The following MDFIC variants were observed in gnomAD, a reference collection of about 807,000 sequenced individuals.
The protein encoded by MDFIC is MyoD family inhibitor domain containing, also known as myoD family inhibitor domain-containing protein.
In MDFIC, 17 loss-of-function variants were observed where a neutral mutation model predicts 23.2. The ratio of observed to expected loss-of-function variants is 0.73; its 90% CI spans 0.50 to 1.10. The LOEUF is 1.10. MDFIC is among the 50% of genes least tolerant of loss of function. The pLI, the probability that MDFIC is intolerant of heterozygous loss-of-function variation, is 0.00. For missense variants in MDFIC, 356 were observed against 316.6 expected, an observed-to-expected ratio of 1.12 and a Z score of -0.95; for synonymous variants, 120 against 115.2, an observed-to-expected ratio of 1.04 and a Z score of -0.27.
Position 114,942,284 on chromosome 7 carries a change from A to G in MDFIC, c.104A>G (p.Asp35Gly). 6.6e-7 allele frequency: 1 copy of G among 1,518,986 alleles called. No individual in the cohort carries two copies. The highest frequency in any genetic ancestry group is 9.0e-7 in the Non-Finnish European group (1 of 1,114,998). The allele number at this position is 1,518,986 out of a possible 1,614,324, so 94.1% of individuals were successfully genotyped here. A position where few individuals can be genotyped will look rare whatever the true frequency, so the allele number is the denominator to read the frequency against. ...ATCTTTTTTAATTCAGGAAAATGTG[A>G]TAAAGACAATACTGAGAAAGATATA... ...QLGSTAQGKC[D>G]KDNTEKDITQ... The change falls in exon 3 of 5, where the codon GAT (aspartate) becomes GGT (glycine). Residue 35 changes from aspartate to glycine, a missense_variant. Physicochemically the swap from Asp to Gly is moderately conservative, Grantham distance 94 (BLOSUM62 -1). Transcript: ENST00000393486.
At chr7:114,982,676 C>T (rs1319966468) in intron 4 of MDFIC, among the ~76,000 whole-genome samples, 1 of 152,140 alleles carries the variant, frequency 6.6e-6, no homozygotes, top group Non-Finnish European at 1.5e-5. Flanking sequence ...GCCTGGGTGA[C>T]AGAGTGAGAC....
chr7:114,932,950 AT>A (rs1792344538), intron 2 of MDFIC, among the ~76,000 whole-genome samples: 1 of 152,170 alleles, frequency 6.6e-6, no homozygotes, highest in African/African-American at 2.4e-5. Flanking sequence ...TCTGTCCTCT[AT>A]TTATTTAATT....
At chr7:114,964,491 C>CTTCCT in intron 3 of MDFIC, among the ~76,000 whole-genome samples, 2 of 112,232 alleles carry the variant, frequency 1.8e-5, no homozygotes, top group Admixed American at 2.3e-4. Flanking sequence ...CTCCCCTCCC[C>CTTCCT]TCCCCTTCCC....
At chr7:114,931,261 A>G (rs997680227) in intron 2 of MDFIC, among the ~76,000 whole-genome samples, 6 of 152,238 alleles carry the variant, frequency 3.9e-5, no homozygotes, top group Admixed American at 3.3e-4. Flanking sequence ...AAACTATGAG[A>G]AGAGTTATTT....
At chr7:114,952,247 C>T (rs904419491) in intron 3 of MDFIC, among the ~76,000 whole-genome samples, 5 of 152,292 alleles carry the variant, frequency 3.3e-5, no homozygotes, top group African/African-American at 9.6e-5. Flanking sequence ...GGGCAAGCTC[C>T]GGAAGGCAGT....
intron 4 of MDFIC, among the ~76,000 whole-genome samples, chr7:114,986,644 C>T (rs902915622): frequency 2.0e-5 from 3 of 150,924 alleles, no homozygotes; most frequent in Non-Finnish European, 4.5e-5. Flanking sequence ...TGCTGAATGC[C>T]TTTGTTTCTC....
Position 115,016,066 on chromosome 7 carries a change from T to A in MDFIC, c.*131T>A, listed in dbSNP as rs1791789035. The A allele has an allele frequency of 2.2e-6, 2 of 923,586 alleles. No individual in the cohort carries two copies. Among genetic ancestry groups the A allele is most frequent in the Non-Finnish European group, 3.2e-6 (2 of 621,060 alleles). 57.2% of individuals were successfully genotyped at this position (923,586 alleles called of 1,614,324 possible). A position where few individuals can be genotyped will look rare whatever the true frequency, so the allele number is the denominator to read the frequency against. The stretch of plus-strand genomic sequence containing the variant: ...ACTGTTAACTCATTATTGTAAGTAA[T>A]CTCTGAAAGCCTTTTTACTTTAACC... On this transcript the variant is annotated 3_prime_UTR_variant, in exon 5 of 5. Coordinates refer to ENST00000393486, the MANE Select transcript of MDFIC (RefSeq NM_001166345.3).
At chr7:115,005,211 G>A (rs1407087857) in intron 4 of MDFIC, among the ~76,000 whole-genome samples, 1 of 152,174 alleles carries the variant, frequency 6.6e-6, no homozygotes, top group African/African-American at 2.4e-5. Context: ...TATTCACTCA[G>A]GCAATTAGTG....
At chr7:114,937,776 A>G (rs1244748547) in intron 2 of MDFIC, among the ~76,000 whole-genome samples, 2 of 152,202 alleles carry the variant, frequency 1.3e-5, no homozygotes, top group African/African-American at 2.4e-5. Flanking sequence ...TTCTTTGTCC[A>G]GAGTAAACAT....
In MDFIC at chr7:114,956,372, C is replaced by T. The variant is rs149844846; in HGVS notation, c.217+13975C>T. On this transcript the variant is annotated intron_variant, in intron 3 of 4. Coordinates refer to ENST00000393486, the MANE Select transcript of MDFIC (RefSeq NM_001166345.3). Reference sequence around the variant, plus strand: ...ATACACACACACATATATATATATACACACACACATATATATACACACATA... The same window carrying T: ...ATACACACACACATATATATATATATACACACACATATATATACACACATA... Among the ~76,000 whole-genome samples the T allele has an allele frequency of 3.6e-3, 382 of 104,786 alleles. 1 individual carries two copies. Among genetic ancestry groups the T allele is most frequent in the Non-Finnish European group, 6.2e-3 (287 of 46,468 alleles). The allele number at this position is 104,786 out of a possible 152,430, so 68.7% of individuals were successfully genotyped here. A position where few individuals can be genotyped will look rare whatever the true frequency, so the allele number is the denominator to read the frequency against.
At chr7:114,940,216 TC>T (rs1792511884) in intron 2 of MDFIC, among the ~76,000 whole-genome samples, 1 of 152,244 alleles carries the variant, frequency 6.6e-6, no homozygotes, top group Non-Finnish European at 1.5e-5. Context: ...TTTATAAAAA[TC>T]CTTGGAAGTT....
At chr7:114,945,310 G>A (rs565464152) in intron 3 of MDFIC, among the ~76,000 whole-genome samples, 1 of 152,286 alleles carries the variant, frequency 6.6e-6, no homozygotes, top group Admixed American at 6.5e-5. Context: ...TTTGGAAATT[G>A]TATTCTAATT....
intron 2 of MDFIC, among the ~76,000 whole-genome samples, chr7:114,925,200 T>G (rs971907564): frequency 6.6e-6 from 1 of 152,152 alleles, no homozygotes; most frequent in African/African-American, 2.4e-5. Flanking sequence ...TAAATATATA[T>G]ATATAGGTAA....
At chr7:114,980,648 C>T (rs1180654221) in intron 4 of MDFIC, among the ~76,000 whole-genome samples, 1 of 152,138 alleles carries the variant, frequency 6.6e-6, no homozygotes, top group Non-Finnish European at 1.5e-5. Flanking sequence ...CTCCTTTCCC[C>T]TTTTAGCAGT....
intron 3 of MDFIC, among the ~76,000 whole-genome samples, chr7:114,962,890 T>C (rs528946707): frequency 1.3e-5 from 2 of 152,352 alleles, no homozygotes; most frequent in Non-Finnish European, 2.9e-5. Context: ...CTATTCTTTC[T>C]AGCCTAAGAA....
intron 4 of MDFIC, among the ~76,000 whole-genome samples, chr7:114,990,845 A>G (rs1181822088): frequency 1.3e-5 from 2 of 152,128 alleles, no homozygotes; most frequent in Non-Finnish European, 2.9e-5. Flanking sequence ...ATGATTTATA[A>G]TCCTTTGGGT....
chr7:114,954,723 A>G (rs967514983), intron 3 of MDFIC, among the ~76,000 whole-genome samples: 1 of 152,318 alleles, frequency 6.6e-6, no homozygotes, highest in South Asian at 2.1e-4. Flanking sequence ...TCTGGTCTAC[A>G]TGCCTGATAC....
chr7:114,936,272 G>C (rs1313942623), intron 2 of MDFIC, among the ~76,000 whole-genome samples: 2 of 152,172 alleles, frequency 1.3e-5, no homozygotes, highest in Non-Finnish European at 2.9e-5. Flanking sequence ...AAGGCTTCAA[G>C]TATTTGGACT....
At chr7:114,937,315 A>G (rs1217835983) in intron 2 of MDFIC, among the ~76,000 whole-genome samples, 2 of 152,176 alleles carry the variant, frequency 1.3e-5, no homozygotes, top group African/African-American at 4.8e-5. Context: ...ATTTAAATTG[A>G]TCATTTGGAA....
Sources: allele counts gnomAD v4.1 joint callset (sites outside exome capture counted in the v4.1 genomes callset), GRCh38; gene constraint gnomAD v4.1.1; transcripts MANE v1.5; gene names NCBI Gene and HGNC (gene_info 2026-07-23, HGNC 2026-07-21).